Variants in ZNF346 observed in about 807,000 individuals in gnomAD.
ZNF346 encodes the protein zinc finger protein 346, also known as double-stranded RNA-binding zinc finger protein JAZ.
A neutral mutation model predicts 33.7 loss-of-function variants in ZNF346; 23 were observed. The observed-to-expected ratio is 0.68, with a 90% CI of 0.49 to 0.97. ZNF346 has a LOEUF of 0.97. Among genes scored for constraint, ZNF346 ranks in the 50% least tolerant of loss-of-function variants. The pLI, the probability that ZNF346 is intolerant of heterozygous loss-of-function variation, is 0.00. For synonymous variants in ZNF346, 134 were observed against 142.4 expected (o/e 0.94, Z 0.42); for missense variants, 340 against 371.1 (o/e 0.92, Z 0.69).
intron 1 of ZNF346, among the ~76,000 whole-genome samples, chr5:177,024,282 G>A (rs1193833292): frequency 3.2e-5 from 4 of 124,476 alleles, no homozygotes; most frequent in Admixed American, 1.0e-4. Flanking sequence ...TGCAACCTCC[G>A]CCTCCTGGGT....
At position 177,041,133 on chromosome 5, in the gene ZNF346, C is replaced by T; in HGVS notation, c.183C>T (p.His61=). The T allele has an allele frequency of 1.2e-6, 2 of 1,613,408 alleles. No homozygotes were observed. The highest frequency in any genetic ancestry group is 1.7e-6 in the Non-Finnish European group (2 of 1,179,370). Residue 61 remains histidine (H), a synonymous_variant, in exon 2 of 7, where the codon CAC becomes CAT. Transcript: ENST00000358149. ...TTGTTTTCCCCTCTATAGTGGAGCA[C>T]ATGATCCAGAAGAACCAATGTCTCT... ...AQPVGREEVE[H]MIQKNQCLFT... is the part of the protein sequence containing the mutation.
exon 9 of ZNF346, chr5:177,080,776 C>A (rs1443450644): frequency 6.6e-6 from 1 of 152,166 alleles, no homozygotes; most frequent in Non-Finnish European, 1.5e-5. Context: ...CCACTGCATT[C>A]CAGCCTGAGC....
chr5:177,070,391 G>C (rs530586537), downstream of ZNF346, among the ~76,000 whole-genome samples: 1 of 152,232 alleles, frequency 6.6e-6, no homozygotes, highest in East Asian at 1.9e-4. Flanking sequence ...CAGCAGGCAA[G>C]CATATGAGGG....
chr5:177,064,532 C>T lies in ZNF346; in HGVS notation c.818C>T (p.Ser273Leu). ...HKNQSPKTVA[S>L]SLGQIPMQRQ... ...TACAGGTCACCAAAAACAGTGGCAT[C>T]ATCCCTGGGCCAGATTCCAATGCAA... The change falls in exon 7 of 7, where the codon TCA (serine) becomes TTA (leucine). Residue 273 changes from serine to leucine, a missense_variant. Physicochemically the swap from Ser to Leu is moderately radical, Grantham distance 145. Transcript: ENST00000358149. The T allele has an allele frequency of 6.2e-7, 1 of 1,614,198 alleles. No homozygotes were observed. Among genetic ancestry groups the T allele is most frequent in the Non-Finnish European group, 8.5e-7 (1 of 1,179,992 alleles).
intron 5 of ZNF346, among the ~76,000 whole-genome samples, chr5:177,059,864 A>G (rs1782240893): frequency 6.6e-6 from 1 of 152,260 alleles, no homozygotes; most frequent in Non-Finnish European, 1.5e-5. Flanking sequence ...ACAGTCTAGC[A>G]GAGAAGACAG....
chr5:177,049,158 G>A (rs1780522072), intron 4 of ZNF346, among the ~76,000 whole-genome samples: 1 of 152,040 alleles, frequency 6.6e-6, no homozygotes, highest in Non-Finnish European at 1.5e-5. Context: ...TCTACAACAT[G>A]TACATTACTT....
At chr5:177,059,195 T>A (rs1373522333) in intron 5 of ZNF346, among the ~76,000 whole-genome samples, 1 of 152,224 alleles carries the variant, frequency 6.6e-6, no homozygotes, top group East Asian at 1.9e-4. Context: ...CCTGATTTAA[T>A]CCTGACAATA....
At chr5:177,076,172 A>T (rs548926581) in intron 8 of ZNF346, among the ~76,000 whole-genome samples, 5 of 152,202 alleles carry the variant, frequency 3.3e-5, no homozygotes, top group Non-Finnish European at 7.3e-5. Flanking sequence ...GATGTCTGAG[A>T]GTAAGTTATA....
chr5:177,079,475 C>T (rs1783898336), exon 9 of ZNF346: 1 of 152,158 alleles, frequency 6.6e-6, no homozygotes, highest in Non-Finnish European at 1.5e-5. Flanking sequence ...CTTCCTCCTG[C>T]CTCTGCACAA....
chr5:177,027,341 G>T lies in ZNF346; in HGVS notation c.175+4428G>T, dbSNP rs115676531. ...TGGGATTACAGGGGTGAGCCATCACGCCCAGCCGATAAAAGTTATTTTCTG... is the reference window on the plus strand; with the variant it reads ...TGGGATTACAGGGGTGAGCCATCACTCCCAGCCGATAAAAGTTATTTTCTG... On this transcript the variant is annotated intron_variant, in intron 1 of 6. Coordinates refer to ENST00000358149, the MANE Select transcript of ZNF346 (RefSeq NM_012279.4). Among the ~76,000 whole-genome samples, 1,430 of 152,082 alleles carry T rather than the reference G, an allele frequency of 9.4e-3. 27 individuals are homozygous for T. Among genetic ancestry groups the T allele is most frequent in the African/African-American group, 0.033 (1,367 of 41,510 alleles).
At chr5:177,037,928 C>T (rs1778742327) in intron 1 of ZNF346, among the ~76,000 whole-genome samples, 2 of 152,146 alleles carry the variant, frequency 1.3e-5, no homozygotes, top group African/African-American at 2.4e-5. Context: ...TACCATTCTT[C>T]TCTCATTCAC....
At chr5:177,024,873 C>G (rs1363368711) in intron 1 of ZNF346, among the ~76,000 whole-genome samples, 2 of 152,202 alleles carry the variant, frequency 1.3e-5, no homozygotes, top group Non-Finnish European at 2.9e-5. Context: ...TTTCCCTGTT[C>G]TCACTTCTCC....
intron 3 of ZNF346, among the ~76,000 whole-genome samples, chr5:177,044,017 A>G (rs1779713928): frequency 6.6e-6 from 1 of 152,108 alleles, no homozygotes; most frequent in South Asian, 2.1e-4. Flanking sequence ...TTCCTGGAAT[A>G]CACAAAGGGA....
intron 5 of ZNF346, among the ~76,000 whole-genome samples, chr5:177,057,301 A>G (rs1325558750): frequency 1.4e-5 from 2 of 145,386 alleles, no homozygotes; most frequent in Non-Finnish European, 1.5e-5. Flanking sequence ...TCTCAAAAAA[A>G]AAAGACCTGT....
chr5:177,072,882 C>T (rs1783572060), downstream of ZNF346, among the ~76,000 whole-genome samples: 1 of 152,176 alleles, frequency 6.6e-6, no homozygotes, highest in Non-Finnish European at 1.5e-5. Context: ...CTAATATCCC[C>T]CAGGACTTTT....
intron 8 of ZNF346, among the ~76,000 whole-genome samples, chr5:177,078,703 G>T (rs1216932043): frequency 6.6e-6 from 1 of 152,200 alleles, no homozygotes; most frequent in Non-Finnish European, 1.5e-5. Context: ...CTTGAGGCCA[G>T]GAGTTCGAGA....
intron 4 of ZNF346, among the ~76,000 whole-genome samples, chr5:177,048,787 C>CTTTTTTTTTTTTTTTTTTTT (rs58509601): frequency 7.6e-6 from 1 of 132,200 alleles, no homozygotes. Flanking sequence ...CTTTTTTTTT[C>CTTTTTTTTTTTTTTTTTTTT]TTTTTTTTTT....
chr5:177,069,383 C>T (rs1429890646), downstream of ZNF346, among the ~76,000 whole-genome samples: 1 of 149,310 alleles, frequency 6.7e-6, no homozygotes, highest in Non-Finnish European at 1.5e-5. Flanking sequence ...ACCTGGGAGG[C>T]GGAGGTTGCA....
chr5:177,071,197 C>T (rs564741953), downstream of ZNF346, among the ~76,000 whole-genome samples: 4 of 152,178 alleles, frequency 2.6e-5, no homozygotes, highest in East Asian at 7.7e-4. Context: ...TCACAGTTCC[C>T]AGCTCAAATC....
Sources: allele counts gnomAD v4.1 joint callset (sites outside exome capture counted in the v4.1 genomes callset), GRCh38; gene constraint gnomAD v4.1.1; transcripts MANE v1.5; gene names NCBI Gene and HGNC (gene_info 2026-07-23, HGNC 2026-07-21).